ADCY3: variants seen among roughly 807,000 people sequenced by gnomAD.
ADCY3 encodes adenylate cyclase 3, also known as adenylate cyclase type 3.
In ADCY3, 70 loss-of-function variants were observed where a neutral mutation model predicts 119.4. The observed-to-expected ratio is 0.59, with a 90% CI of 0.48 to 0.72. The LOEUF (loss-of-function observed/expected upper bound fraction) is 0.72, where lower values mean the gene tolerates loss of function less well. Ranked by LOEUF, ADCY3 falls within the 30% of genes least tolerant of loss-of-function variation. The pLI is 0.00. For synonymous variants in ADCY3, 672 were observed against 621.4 expected, an observed-to-expected ratio of 1.08 and a Z score of -1.21; for missense variants, 1,238 against 1,541.6, an observed-to-expected ratio of 0.80 and a Z score of 3.30.
chr2:24,878,389 C>T lies in ADCY3; in HGVS notation c.676-5670G>A, dbSNP rs868336459. On this transcript the variant is annotated intron_variant, in intron 2 of 21. Transcript: ENST00000679454. The surrounding 1 kb of genome is among the most constrained non-coding windows in gnomAD (Gnocchi z 4.0). Reference sequence around the variant, plus strand: ...GGACTGTCGAGTGGAAGTCACCCCACTGGAGGCGGTTTGGTGGCTCTCTTG... The same window carrying T: ...GGACTGTCGAGTGGAAGTCACCCCATTGGAGGCGGTTTGGTGGCTCTCTTG... 7.2e-5 allele frequency among the ~76,000 whole-genome samples: 11 copies of T among 152,126 alleles called. No homozygotes were observed. Among genetic ancestry groups the T allele is most frequent in the African/African-American group, 9.7e-5 (4 of 41,414 alleles).
At position 24,839,864 on chromosome 2, in the gene ADCY3, G is replaced by A. The variant is rs752659051; in HGVS notation, c.1355+9C>T. ...GTCCTCAAACCTGCCCCCTTGGAAT[G>A]GCACTCACCCAGGGATGCCGCCGGC... On this transcript the variant is annotated intron_variant, in intron 7 of 21. Transcript: ENST00000679454. 5 of 1,613,762 alleles carry A rather than the reference G, an allele frequency of 3.1e-6. No homozygotes were observed. The Admixed American group carries it at 5.0e-5, about 16-fold the overall frequency.
At chr2:24,830,238 A>C (rs1344618913) in intron 13 of ADCY3, among the ~76,000 whole-genome samples, 1 of 150,500 alleles carries the variant, frequency 6.6e-6, no homozygotes, top group Non-Finnish European at 1.5e-5. Context: ...ATGGGGTTTC[A>C]CCATGTTGGC....
chr2:24,882,785 C>T (rs897223971), intron 2 of ADCY3, among the ~76,000 whole-genome samples: 9 of 152,126 alleles, frequency 5.9e-5, no homozygotes, highest in African/African-American at 1.4e-4. Flanking sequence ...GGCCGGGCAC[C>T]GTGGCTCATG....
At chr2:24,858,849 C>T (rs754409813) in intron 3 of ADCY3, among the ~76,000 whole-genome samples, 1 of 152,250 alleles carries the variant, frequency 6.6e-6, no homozygotes, top group Non-Finnish European at 1.5e-5. Context: ...CACCCTGACA[C>T]AGCCAACATC....
intron 3 of ADCY3, among the ~76,000 whole-genome samples, chr2:24,848,095 C>G (rs991147774): frequency 3.3e-5 from 5 of 152,238 alleles, no homozygotes; most frequent in Non-Finnish European, 5.9e-5. Context: ...TGGCCATAAA[C>G]TGGCCCCAAA....
intron 2 of ADCY3, chr2:24,877,988 C>T (rs1324820897): frequency 2.1e-6 from 1 of 471,014 alleles, no homozygotes; most frequent in African/African-American, 2.0e-5. Flanking sequence ...CCCCGTGGTC[C>T]CCTTTAGACT....
intron 3 of ADCY3, among the ~76,000 whole-genome samples, chr2:24,863,856 C>T (rs75367830): frequency 0.068 from 10,291 of 152,220 alleles, 421 homozygotes; most frequent in East Asian, 0.094. Context: ...AGGCTGGTTC[C>T]CTGGGGCTGG....
At chr2:24,825,348 GTGC>G (rs761064327) in intron 16 of ADCY3, among the ~76,000 whole-genome samples, 192 of 17,768 alleles carry the variant, frequency 0.011, 2 homozygotes, top group Middle Eastern at 0.094. Context: ...GGGGGGGGGG[GTGC>G]GGGGGGGGTG....
intron 2 of ADCY3, among the ~76,000 whole-genome samples, chr2:24,889,651 A>G (rs556779699): frequency 3.3e-3 from 496 of 152,334 alleles, no homozygotes; most frequent in Non-Finnish European, 5.6e-3. Flanking sequence ...AGCCTGGCCA[A>G]CGTGGTGAAA....
intron 15 of ADCY3, among the ~76,000 whole-genome samples, chr2:24,827,214 C>T (rs991139195): frequency 2.6e-5 from 4 of 152,310 alleles, no homozygotes; most frequent in Middle Eastern, 3.4e-3. Flanking sequence ...CTCATGGAAA[C>T]GGACCTGCCT....
chr2:24,821,913 GCCTGGT>G (rs1265102831), intron 19 of ADCY3: 3 of 409,426 alleles, frequency 7.3e-6, no homozygotes, highest in South Asian at 3.1e-5. Flanking sequence ...CCTTGGCTGG[GCCTGGT>G]CCTGGTCCTT....
intron 6 of ADCY3, 58 bp from the exon 7 acceptor site, chr2:24,840,089 G>A (rs942451317): frequency 1.3e-6 from 2 of 1,559,342 alleles, no homozygotes; most frequent in African/African-American, 1.4e-5. Flanking sequence ...GCAGCCAGCT[G>A]CCCCTGCTCC....
intron 7 of ADCY3, 35 bp downstream of exon 7, chr2:24,839,838 A>C (rs372316025): frequency 2.0e-5 from 32 of 1,613,200 alleles, no homozygotes; most frequent in Non-Finnish European, 2.5e-5. Context: ...TCCCCTCCCC[A>C]GTCCTCAAAC....
intron 2 of ADCY3, among the ~76,000 whole-genome samples, chr2:24,907,400 C>G (rs1662995589): frequency 6.6e-6 from 1 of 152,168 alleles, no homozygotes. Context: ...TTGAATGGAG[C>G]TCAAGAGAGG....
chr2:24,838,747 C>T, intron 7 of ADCY3, 125 bp from the exon 8 acceptor site: 1 of 1,587,494 alleles, frequency 6.3e-7, no homozygotes, highest in Non-Finnish European at 8.6e-7. Context: ...GCATGTGGGG[C>T]AGAGGCCAAG....
At chr2:24,853,467 CTTTTTT>C (rs745408152) in intron 3 of ADCY3, among the ~76,000 whole-genome samples, 4 of 115,238 alleles carry the variant, frequency 3.5e-5, no homozygotes, top group African/African-American at 1.1e-4. Context: ...CGCGCCTCAT[CTTTTTT>C]TTTTTTTTTT....
intron 3 of ADCY3, among the ~76,000 whole-genome samples, chr2:24,848,072 G>T (rs1671858772): frequency 1.3e-5 from 2 of 152,216 alleles, no homozygotes; most frequent in South Asian, 4.1e-4. Context: ...TTGGGAACAA[G>T]CCCCCCAAAA....
chr2:24,824,238 G>T, intron 17 of ADCY3, 140 bp downstream of exon 17: 1 of 1,058,440 alleles, frequency 9.4e-7, no homozygotes, highest in Non-Finnish European at 1.3e-6. Context: ...GCTTATTTGT[G>T]TTTGCTGTTT....
intron 13 of ADCY3, among the ~76,000 whole-genome samples, chr2:24,828,668 C>T (rs918524635): frequency 6.6e-6 from 1 of 152,316 alleles, no homozygotes; most frequent in South Asian, 2.1e-4. Context: ...CAGATGCGGC[C>T]GGGAGAAAGC....
Sources: gnomAD v4.1 joint callset for allele counts (sites outside exome capture counted in the v4.1 genomes callset) on GRCh38, gnomAD v4.1.1 for gene constraint, Gnocchi (gnomAD v3.1) non-coding constraint, MANE v1.5 for transcripts, NCBI Gene and HGNC (gene_info 2026-07-23, HGNC 2026-07-21) for gene names.